Variants in RBFOX1 observed in about 807,000 individuals in gnomAD.
RBFOX1 encodes RNA binding protein fox-1 homolog 1.
RBFOX1 carries 8 observed loss-of-function variants against 57.7 expected under a neutral mutation model. The observed-to-expected ratio is 0.14, with a 90% CI of 0.08 to 0.25. The LOEUF (loss-of-function observed/expected upper bound fraction) is 0.25, where lower values mean the gene tolerates loss of function less well. RBFOX1 is among the 10% of genes least tolerant of loss of function. The pLI is 1.00. For synonymous variants in RBFOX1, 326 were observed against 222.4 expected, an observed-to-expected ratio of 1.47 and a Z score of -4.15; for missense variants, 611 against 548.5, an observed-to-expected ratio of 1.11 and a Z score of -1.14.
intron 3 of RBFOX1, chr16:6,705,024 G>T (rs185598899): frequency 6.6e-6 from 1 of 152,194 alleles, no homozygotes; most frequent in Admixed American, 6.5e-5. Flanking sequence ...TTGGAGTGAC[G>T]TGTGGATTTT....
At chr16:6,538,400 G>A (rs1428387747) in intron 2 of RBFOX1, among the ~76,000 whole-genome samples, 1 of 152,156 alleles carries the variant, frequency 6.6e-6, no homozygotes, top group African/African-American at 2.4e-5. Context: ...GCTGAGGTGG[G>A]AGGATCACTT....
chr16:7,328,518 G>A (rs1431275513), intron 4 of RBFOX1: 1 of 149,628 alleles, frequency 6.7e-6, no homozygotes, highest in Non-Finnish European at 1.5e-5. Context: ...TGGGAAGGGA[G>A]ATGCAGTATC....
At chr16:6,154,619 A>G (rs2096826081) in intron 1 of RBFOX1, among the ~76,000 whole-genome samples, 1 of 152,178 alleles carries the variant, frequency 6.6e-6, no homozygotes, top group Non-Finnish European at 1.5e-5. Context: ...CCTTGGAGAG[A>G]GAATCTACTC....
chr16:6,659,538 CA>C (rs946285748), intron 3 of RBFOX1, among the ~76,000 whole-genome samples: 1 of 152,078 alleles, frequency 6.6e-6, no homozygotes, highest in Non-Finnish European at 1.5e-5. Flanking sequence ...CCCTGTTTTA[CA>C]GGTAAAATAA....
intron 4 of RBFOX1, among the ~76,000 whole-genome samples, chr16:7,202,442 G>T (rs1005260241): frequency 6.6e-6 from 1 of 152,060 alleles, no homozygotes; most frequent in African/African-American, 2.4e-5. Context: ...ATTAAAAATA[G>T]AACTGCCAGA....
chr16:7,519,826 C>G lies in RBFOX1; in HGVS notation c.270+1437C>G, dbSNP rs563800408. The G allele has an allele frequency of 1.2e-4, 82 of 657,818 alleles. No homozygotes were observed. The African/African-American group carries it at 1.3e-3, about 11-fold the overall frequency. 40.7% of individuals were successfully genotyped at this position (657,818 alleles called of 1,614,324 possible). A position where few individuals can be genotyped will look rare whatever the true frequency, so the allele number is the denominator to read the frequency against. On this transcript the variant is annotated intron_variant, in intron 5 of 15. Coordinates refer to ENST00000550418, the MANE Select transcript of RBFOX1 (RefSeq NM_018723.4). ...TTCCTGTGATAAAAGAAAACACTGA[C>G]TAACTTTGCTACTTGCCACCTCATT...
chr16:7,360,930 C>T (rs1007895932), intron 4 of RBFOX1, among the ~76,000 whole-genome samples: 15 of 152,206 alleles, frequency 9.9e-5, no homozygotes, highest in African/African-American at 3.6e-4. Context: ...GTCTCATCCA[C>T]TGCGTATGAG....
At chr16:7,160,780 T>A (rs1469668727) in intron 4 of RBFOX1, among the ~76,000 whole-genome samples, 1 of 147,514 alleles carries the variant, frequency 6.8e-6, no homozygotes, top group Non-Finnish European at 1.5e-5. Context: ...GCCTCCCCCT[T>A]TTTTCTCCCT....
In RBFOX1 at chr16:6,071,437, A is replaced by G. The variant is rs560244988; in HGVS notation, c.-127+51445A>G. On this transcript the variant is annotated intron_variant, in intron 1 of 15. Coordinates refer to ENST00000550418, the MANE Select transcript of RBFOX1 (RefSeq NM_018723.4). ...AATAAAAATGGGTACTAGGTCGAAT[A>G]CTTGGGTGACAAGATAATCTGTACA... 2.0e-5 allele frequency among the ~76,000 whole-genome samples: 3 copies of G among 152,354 alleles called. No individual in the cohort carries two copies. In the South Asian group the frequency reaches 6.2e-4, roughly 32 times the overall value.
intron 5 of RBFOX1, among the ~76,000 whole-genome samples, chr16:7,569,008 C>A (rs976880772): frequency 1.3e-5 from 2 of 151,504 alleles, no homozygotes; most frequent in African/African-American, 4.8e-5. Context: ...CTGCCTCTGA[C>A]AATTACGGTC....
chr16:5,522,251 T>C (rs559309169), intron 2 of RBFOX1, among the ~76,000 whole-genome samples: 5 of 152,356 alleles, frequency 3.3e-5, no homozygotes, highest in African/African-American at 1.2e-4. Flanking sequence ...GACAAGTCCA[T>C]GTACCTCTTT....
intron 1 of RBFOX1, among the ~76,000 whole-genome samples, chr16:5,424,938 TCTCTTC>T (rs1567490180): frequency 1.1e-5 from 1 of 89,018 alleles, no homozygotes; most frequent in African/African-American, 4.3e-5. Context: ...TTTCTTTCTC[TCTCTTC>T]TTTCTTCCTT....
intron 3 of RBFOX1, among the ~76,000 whole-genome samples, chr16:5,664,146 T>G (rs543853893): frequency 1.3e-5 from 2 of 152,334 alleles, no homozygotes; most frequent in South Asian, 4.1e-4. Context: ...CCATGTGTTG[T>G]TTCTTCGATT....
At chr16:7,567,707 T>TGG (rs2092220836) in intron 5 of RBFOX1, among the ~76,000 whole-genome samples, 2 of 129,608 alleles carry the variant, frequency 1.5e-5, no homozygotes, top group South Asian at 2.5e-4. Context: ...CTATATATAA[T>TGG]CCCTATATAT....
intron 1 of RBFOX1, among the ~76,000 whole-genome samples, chr16:6,253,228 A>G (rs932695376): frequency 6.6e-6 from 1 of 152,200 alleles, no homozygotes; most frequent in African/African-American, 2.4e-5. Flanking sequence ...GATTTCGACA[A>G]AAAGGTTGTT....
At chr16:5,270,822 G>T (rs559216426) in intron 1 of RBFOX1, 4 of 440,006 alleles carry the variant, frequency 9.1e-6, no homozygotes, top group Admixed American at 8.5e-5. Flanking sequence ...AAAAATGCTG[G>T]AGAACCCTTG....
chr16:6,784,823 T>G (rs1041264275), intron 3 of RBFOX1, among the ~76,000 whole-genome samples: 2 of 152,148 alleles, frequency 1.3e-5, no homozygotes, highest in African/African-American at 4.8e-5. Context: ...CCTCATATAT[T>G]TCATTGTTTT....
chr16:5,668,456 A>T (rs2049917410), intron 3 of RBFOX1, among the ~76,000 whole-genome samples: 1 of 152,202 alleles, frequency 6.6e-6, no homozygotes, highest in Admixed American at 6.5e-5. Flanking sequence ...ACTGGTAGCC[A>T]AAATCATCAG....
intron 1 of RBFOX1, among the ~76,000 whole-genome samples, chr16:5,455,362 G>A (rs2151580310): frequency 6.6e-6 from 1 of 152,204 alleles, no homozygotes; most frequent in African/African-American, 2.4e-5. Context: ...TATGGCTTCA[G>A]AAGCCGCCTA....
Sources: gnomAD v4.1 joint callset for allele counts (sites outside exome capture counted in the v4.1 genomes callset) on GRCh38, gnomAD v4.1.1 for gene constraint, MANE v1.5 for transcripts, NCBI Gene and HGNC (gene_info 2026-07-23, HGNC 2026-07-21) for gene names.